PARD3B: variants seen among roughly 807,000 people sequenced by gnomAD.
The protein encoded by PARD3B is partitioning defective 3 homolog B.
PARD3B carries 103 observed loss-of-function variants against 130.2 expected under a neutral mutation model. That is an observed-to-expected ratio of 0.79 (90% CI 0.67 to 0.93). The LOEUF (loss-of-function observed/expected upper bound fraction) is 0.93. PARD3B is among the 40% of genes least tolerant of loss of function. PARD3B has a pLI of 0.00. For synonymous variants in PARD3B, 583 were observed against 553.2 expected (o/e 1.05, Z -0.76); for missense variants, 1,609 against 1,499.2 (o/e 1.07, Z -1.21).
chr2:204,926,091 C>G (rs2125764231), intron 2 of PARD3B, among the ~76,000 whole-genome samples: 1 of 152,064 alleles, frequency 6.6e-6, no homozygotes, highest in East Asian at 1.9e-4. Flanking sequence ...CGAACTAACA[C>G]ACCTACATTT....
At chr2:205,195,030 C>T (rs2036605548) in intron 15 of PARD3B, among the ~76,000 whole-genome samples, 1 of 149,972 alleles carries the variant, frequency 6.7e-6, no homozygotes, top group African/African-American at 2.5e-5. Flanking sequence ...AACTCCTGAC[C>T]TCAAGTGATC....
chr2:204,643,541 G>A (rs142028363), intron 1 of PARD3B, among the ~76,000 whole-genome samples: 1 of 152,130 alleles, frequency 6.6e-6, no homozygotes, highest in Non-Finnish European at 1.5e-5. Flanking sequence ...CACATGCAAC[G>A]CAGGACGGCT....
chr2:204,911,660 A>G (rs2047241877), intron 2 of PARD3B, among the ~76,000 whole-genome samples: 1 of 152,168 alleles, frequency 6.6e-6, no homozygotes. Flanking sequence ...TGGTACTTGT[A>G]TCTTAGGGCA....
At chr2:204,686,345 C>G (rs2037086074) in intron 2 of PARD3B, 63 bp downstream of exon 2, 1 of 1,214,158 alleles carries the variant, frequency 8.2e-7, no homozygotes, top group Non-Finnish European at 1.2e-6. Context: ...TTTCAAGAGA[C>G]TGAAATCCTT....
At chr2:205,359,808 A>C (rs11686270) in intron 18 of PARD3B, among the ~76,000 whole-genome samples, 90,755 of 151,940 alleles carry the variant, frequency 0.6, 30,518 homozygotes, top group South Asian at 0.77. Context: ...TTTACCGCAC[A>C]ATGACACTAA....
At chr2:204,618,689 A>G (rs1437514956) in intron 1 of PARD3B, among the ~76,000 whole-genome samples, 2 of 152,212 alleles carry the variant, frequency 1.3e-5, no homozygotes, top group African/African-American at 2.4e-5. Context: ...ATTTCTTGCA[A>G]TTAAGGCAGC....
At chr2:204,819,139 T>C (rs1393937250) in intron 2 of PARD3B, among the ~76,000 whole-genome samples, 3 of 152,210 alleles carry the variant, frequency 2.0e-5, no homozygotes, top group Non-Finnish European at 2.9e-5. Flanking sequence ...CTTCATTTTA[T>C]TGTGCCTTGC....
intron 18 of PARD3B, among the ~76,000 whole-genome samples, chr2:205,302,553 T>C (rs1251256762): frequency 6.6e-6 from 1 of 152,174 alleles, no homozygotes; most frequent in Non-Finnish European, 1.5e-5. Flanking sequence ...TACCAAAGTG[T>C]TATGAAAATA....
At chr2:204,762,285 C>G (rs568543985) in intron 2 of PARD3B, among the ~76,000 whole-genome samples, 1 of 151,864 alleles carries the variant, frequency 6.6e-6, no homozygotes, top group African/African-American at 2.4e-5. Flanking sequence ...CCATGCCCAG[C>G]TAATTTTTTG....
At chr2:205,586,878 T>C (rs2054214926) in intron 22 of PARD3B, among the ~76,000 whole-genome samples, 1 of 152,200 alleles carries the variant, frequency 6.6e-6, no homozygotes, top group South Asian at 2.1e-4. Context: ...TTTTAATGTT[T>C]CATAAGTTGT....
In PARD3B at chr2:205,590,752, A is replaced by G. The variant is rs1018487343; in HGVS notation, c.3261-24704A>G. On this transcript the variant is annotated intron_variant, in intron 22 of 22. Coordinates refer to ENST00000406610, the MANE Select transcript of PARD3B (RefSeq NM_001302769.2). This position sits in a 1 kb window ranked among gnomAD's most constrained non-coding sequence, Gnocchi z 4.1. ...AAGATAGGATCAAGGATGAAGGAGA[A>G]AAGTAGAAGCTGTTGCCACATATTC... is the stretch of plus-strand genomic sequence containing the variant. Among the ~76,000 whole-genome samples the G allele has an allele frequency of 1.8e-4, 27 of 152,200 alleles. No individual in the cohort carries two copies. Among genetic ancestry groups the G allele is most frequent in the African/African-American group, 6.5e-4 (27 of 41,462 alleles).
chr2:205,381,207 A>G (rs1328658751), intron 18 of PARD3B, among the ~76,000 whole-genome samples: 2 of 125,038 alleles, frequency 1.6e-5, no homozygotes, highest in South Asian at 2.3e-4. Flanking sequence ...TATATAATAT[A>G]TAAAGAATAT....
rs529625524 is a variant in PARD3B at position 204,939,222 on chromosome 2, C to T, written c.223-25930C>T. The stretch of plus-strand genomic sequence containing the variant: ...AACTTAAAATATGCAAGATCCATAA[C>T]GTATTAACGCTCCAACCAAATTAGT... On this transcript the variant is annotated intron_variant, in intron 2 of 22. Transcript: ENST00000406610. 4.6e-5 allele frequency among the ~76,000 whole-genome samples: 7 copies of T among 152,150 alleles called. No individual in the cohort carries two copies. The East Asian group carries it at 7.7e-4, about 17-fold the overall frequency.
intron 2 of PARD3B, among the ~76,000 whole-genome samples, chr2:204,933,861 T>C (rs1412720680): frequency 6.6e-6 from 1 of 152,196 alleles, no homozygotes; most frequent in Non-Finnish European, 1.5e-5. Flanking sequence ...CAGTATTACC[T>C]TTGCCATTGT....
intron 18 of PARD3B, among the ~76,000 whole-genome samples, chr2:205,380,402 A>G (rs1416570104): frequency 2.4e-5 from 1 of 42,400 alleles, no homozygotes; most frequent in African/African-American, 1.0e-4. Context: ...AATATATATT[A>G]TATATAATAT....
chr2:204,897,953 G>C (rs2046703438), intron 2 of PARD3B, among the ~76,000 whole-genome samples: 1 of 151,540 alleles, frequency 6.6e-6, no homozygotes, highest in Non-Finnish European at 1.5e-5. Context: ...GTTAATAAAG[G>C]ACTAAATGAA....
chr2:205,133,050 T>G (rs1377110579), intron 10 of PARD3B, among the ~76,000 whole-genome samples: 1 of 152,092 alleles, frequency 6.6e-6, no homozygotes, highest in Non-Finnish European at 1.5e-5. Context: ...TCCTGTACAA[T>G]TCTTTTAAAC....
At chr2:204,809,540 C>CAGGT (rs943700901) in intron 2 of PARD3B, among the ~76,000 whole-genome samples, 61 of 151,774 alleles carry the variant, frequency 4.0e-4, no homozygotes, top group African/African-American at 1.3e-3. Context: ...TGTCAAAGAA[C>CAGGT]AGGTGGTCAT....
In PARD3B at chr2:205,473,923, A is replaced by G. The variant is rs1003242707; in HGVS notation, c.3045-25973A>G. Among the ~76,000 whole-genome samples the G allele has an allele frequency of 6.6e-6, 1 of 151,536 alleles. No individual in the cohort carries two copies. Among genetic ancestry groups the G allele is most frequent in the Non-Finnish European group, 1.5e-5 (1 of 67,842 alleles). ...CAACCTCACTTATGTCCCCATGACA[A>G]CCTTTCTTGCCATGTGAAATTTAGA... On this transcript the variant is annotated intron_variant, in intron 20 of 22. Coordinates refer to ENST00000406610, the MANE Select transcript of PARD3B (RefSeq NM_001302769.2). This position sits in a 1 kb window ranked among gnomAD's most constrained non-coding sequence, Gnocchi z 4.9.
Sources: gnomAD v4.1 joint callset for allele counts (sites outside exome capture counted in the v4.1 genomes callset) on GRCh38, gnomAD v4.1.1 for gene constraint, Gnocchi (gnomAD v3.1) non-coding constraint, MANE v1.5 for transcripts, NCBI Gene and HGNC (gene_info 2026-07-23, HGNC 2026-07-21) for gene names.